RBFOX1: variants seen among roughly 807,000 people sequenced by gnomAD.
The protein encoded by RBFOX1 is RNA binding fox-1 homolog 1.
RBFOX1 carries 8 observed loss-of-function variants against 57.7 expected under a neutral mutation model. The observed-to-expected ratio is 0.14, with a 90% CI of 0.08 to 0.25. The LOEUF (loss-of-function observed/expected upper bound fraction) is 0.25, where lower values mean the gene tolerates loss of function less well. RBFOX1 is among the 10% of genes least tolerant of loss of function. The probability of loss-of-function intolerance (pLI) is 1.00; values close to 1 mark genes in which losing one functional copy is unlikely to be tolerated. For missense variants in RBFOX1, 611 were observed against 548.5 expected, an observed-to-expected ratio of 1.11 and a Z score of -1.14; for synonymous variants, 326 against 222.4, an observed-to-expected ratio of 1.47 and a Z score of -4.15.
chr16:7,353,042 G>T (rs539616687), intron 4 of RBFOX1, among the ~76,000 whole-genome samples: 1 of 152,092 alleles, frequency 6.6e-6, no homozygotes, highest in African/African-American at 2.4e-5. Context: ...ATGGCTTCAG[G>T]TTACAGGTTT....
rs930514200 is a variant in RBFOX1, at chr16:7,363,551, C to T, written c.28-154596C>T. The stretch of plus-strand genomic sequence containing the variant: ...GTGGGCCTCTCAGCCTGGCAAAGTG[C>T]CTGGCATAAAATGGGTCGCCTGGCT... On this transcript the variant is annotated intron_variant, in intron 4 of 15. Coordinates refer to ENST00000550418, the MANE Select transcript of RBFOX1 (RefSeq NM_018723.4). 3.9e-5 allele frequency among the ~76,000 whole-genome samples: 6 copies of T among 152,144 alleles called. No homozygotes were observed. The East Asian group carries it at 9.7e-4, about 25-fold the overall frequency.
In RBFOX1 at chr16:7,001,464, A is replaced by G. The variant is rs960519746; in HGVS notation, c.-15-50593A>G. ...TATGTATATGTATATGTATACGTGT[A>G]TGTATATTTTGAGATGGAGTCTCGC... On this transcript the variant is annotated intron_variant, in intron 3 of 15. Coordinates refer to ENST00000550418, the MANE Select transcript of RBFOX1 (RefSeq NM_018723.4). Among the ~76,000 whole-genome samples, 2 of 151,894 alleles carry G rather than the reference A, an allele frequency of 1.3e-5. 1 individual carries two copies. Among genetic ancestry groups the G allele is most frequent in the South Asian group, 4.1e-4 (2 of 4,824 alleles).
intron 4 of RBFOX1, among the ~76,000 whole-genome samples, chr16:7,063,400 C>G (rs76147326): frequency 2.0e-5 from 3 of 152,212 alleles, no homozygotes; most frequent in Admixed American, 6.5e-5. Context: ...GGGATCATCA[C>G]ATGTCTCTCT....
At chr16:7,346,187 A>T (rs1001206681) in intron 4 of RBFOX1, among the ~76,000 whole-genome samples, 2 of 152,096 alleles carry the variant, frequency 1.3e-5, no homozygotes, top group African/African-American at 4.8e-5. Flanking sequence ...ATAGTATTCC[A>T]TGGTGTATAT....
chr16:5,504,888 G>T (rs1054696389), intron 2 of RBFOX1, among the ~76,000 whole-genome samples: 1 of 152,188 alleles, frequency 6.6e-6, no homozygotes, highest in Admixed American at 6.5e-5. Context: ...GAAACTTTCA[G>T]ACTAGGCAGA....
chr16:6,695,883 G>A (rs2110348), intron 3 of RBFOX1, among the ~76,000 whole-genome samples: 8,642 of 152,210 alleles, frequency 0.057, 643 homozygotes, highest in East Asian at 0.4. Flanking sequence ...CCATATGGCC[G>A]TGAATCTATG....
intron 4 of RBFOX1, among the ~76,000 whole-genome samples, chr16:7,494,380 T>G (rs555704437): frequency 6.6e-6 from 1 of 152,196 alleles, no homozygotes; most frequent in Non-Finnish European, 1.5e-5. Flanking sequence ...AAGCCCGCTG[T>G]GTGATGATGG....
chr16:5,468,954 A>G (rs1375345775), intron 2 of RBFOX1, among the ~76,000 whole-genome samples: 5 of 152,230 alleles, frequency 3.3e-5, no homozygotes, highest in African/African-American at 1.2e-4. Context: ...AACTGAGAAC[A>G]GAACATATTT....
At chr16:6,575,490 C>G (rs974623215) in intron 2 of RBFOX1, among the ~76,000 whole-genome samples, 1 of 152,152 alleles carries the variant, frequency 6.6e-6, no homozygotes, top group Non-Finnish European at 1.5e-5. Context: ...CATCACTGAT[C>G]TTCTAAATAA....
chr16:6,010,323 G>A (rs773884581), intron 4 of RBFOX1, among the ~76,000 whole-genome samples: 3 of 152,204 alleles, frequency 2.0e-5, no homozygotes, highest in East Asian at 1.9e-4. Context: ...ACTGGTGAAT[G>A]TACATTCCAG....
intron 1 of RBFOX1, among the ~76,000 whole-genome samples, chr16:6,305,494 T>G (rs9939308): frequency 0.01 from 1,561 of 152,130 alleles, 30 homozygotes; most frequent in African/African-American, 0.035. Context: ...GCATATGTCT[T>G]TATCAGTCCC....
intron 3 of RBFOX1, among the ~76,000 whole-genome samples, chr16:5,801,093 A>T (rs1257487213): frequency 6.6e-6 from 1 of 152,106 alleles, no homozygotes; most frequent in Non-Finnish European, 1.5e-5. Context: ...CCCCGCCCAG[A>T]GTGTGTACGG....
intron 3 of RBFOX1, among the ~76,000 whole-genome samples, chr16:6,818,562 T>C (rs1397972854): frequency 1.3e-5 from 2 of 152,228 alleles, no homozygotes; most frequent in East Asian, 3.8e-4. Flanking sequence ...AGTTCCCTTT[T>C]TTCTTCTAAA....
At chr16:6,814,786 G>A (rs1288385089) in intron 3 of RBFOX1, among the ~76,000 whole-genome samples, 2 of 152,078 alleles carry the variant, frequency 1.3e-5, no homozygotes, top group Non-Finnish European at 2.9e-5. Context: ...TTGGATAGAA[G>A]CAGCACATCA....
At chr16:7,362,561 T>C (rs1473018644) in intron 4 of RBFOX1, among the ~76,000 whole-genome samples, 1 of 151,424 alleles carries the variant, frequency 6.6e-6, no homozygotes, top group African/African-American at 2.4e-5. Context: ...TGTGGATGTT[T>C]TGTTTGCATG....
intron 4 of RBFOX1, among the ~76,000 whole-genome samples, chr16:6,009,233 A>G (rs1202734236): frequency 2.6e-5 from 4 of 152,120 alleles, no homozygotes. Context: ...AAGACCTACC[A>G]AAAAGCCACG....
chr16:6,073,356 G>T (rs1365138378), intron 1 of RBFOX1, among the ~76,000 whole-genome samples: 1 of 152,072 alleles, frequency 6.6e-6, no homozygotes, highest in Non-Finnish European at 1.5e-5. Context: ...CTTGTATCTG[G>T]GATGGGTCAT....
At chr16:7,289,976 C>T (rs188026022) in intron 4 of RBFOX1, among the ~76,000 whole-genome samples, 43 of 152,128 alleles carry the variant, frequency 2.8e-4, no homozygotes, top group Non-Finnish European at 6.3e-4. Flanking sequence ...ACTCTGTGGC[C>T]CCAGAATAAG....
intron 3 of RBFOX1, among the ~76,000 whole-genome samples, chr16:5,846,917 C>T (rs768818814): frequency 1.3e-5 from 2 of 152,152 alleles, no homozygotes; most frequent in African/African-American, 2.4e-5. Flanking sequence ...GCATTATTAG[C>T]CTATAAATCA....
Sources: gnomAD v4.1 joint callset for allele counts (sites outside exome capture counted in the v4.1 genomes callset) on GRCh38, gnomAD v4.1.1 for gene constraint, MANE v1.5 for transcripts, NCBI Gene and HGNC (gene_info 2026-07-23, HGNC 2026-07-21) for gene names.